MAGI2: variants seen among roughly 807,000 people sequenced by gnomAD.
MAGI2 encodes membrane-associated guanylate kinase, WW and PDZ domain-containing protein 2.
A neutral mutation model predicts 133.3 loss-of-function variants in MAGI2; 35 were observed. The observed-to-expected ratio is 0.26, with a 90% CI of 0.20 to 0.35. The LOEUF is 0.35. Among genes scored for constraint, MAGI2 ranks in the 10% least tolerant of loss-of-function variants. MAGI2 has a pLI of 1.00. For synonymous variants in MAGI2, 729 were observed against 710.6 expected, an observed-to-expected ratio of 1.03 and a Z score of -0.41; for missense variants, 1,636 against 1,863.4, an observed-to-expected ratio of 0.88 and a Z score of 2.25.
In MAGI2 at chr7:78,265,822, A is replaced by G. The variant is rs77455709; in HGVS notation, c.1409-9241T>C. 8.4e-3 allele frequency among the ~76,000 whole-genome samples: 1,279 copies of G among 152,314 alleles called. 21 individuals carry two copies. The highest frequency in any genetic ancestry group is 0.029 in the African/African-American group (1,215 of 41,566). On this transcript the variant is annotated intron_variant, in intron 9 of 21. Transcript: ENST00000354212. ...ACAAGCATGATTCGTTTTTGCAGAA[A>G]TGGCTCCTAGAGGCCAGCATGGCAT...
At chr7:78,882,208 A>C (rs889022801) in intron 2 of MAGI2, among the ~76,000 whole-genome samples, 1 of 151,608 alleles carries the variant, frequency 6.6e-6, no homozygotes, top group Non-Finnish European at 1.5e-5. Context: ...AAATTAAAAA[A>C]TAAAAAATCT....
intron 21 of MAGI2, among the ~76,000 whole-genome samples, chr7:78,067,859 A>G (rs1814005554): frequency 6.6e-6 from 1 of 152,206 alleles, no homozygotes; most frequent in Non-Finnish European, 1.5e-5. Context: ...AATAACAAAA[A>G]TCTGGACTTA....
intron 3 of MAGI2, among the ~76,000 whole-genome samples, chr7:78,555,141 TA>T (rs1260185109): frequency 1.1e-5 from 1 of 93,012 alleles, no homozygotes; most frequent in Non-Finnish European, 2.7e-5. Flanking sequence ...CAGAAATAAA[TA>T]AATAAATAAA....
intron 21 of MAGI2, among the ~76,000 whole-genome samples, chr7:78,057,999 A>G (rs201953686): frequency 0.049 from 5,350 of 108,430 alleles, 602 homozygotes; most frequent in Non-Finnish European, 0.072. Flanking sequence ...ATATATATAT[A>G]TATATGTATG....
chr7:78,784,059 G>A (rs568483840), intron 2 of MAGI2, among the ~76,000 whole-genome samples: 17 of 152,228 alleles, frequency 1.1e-4, no homozygotes, highest in South Asian at 6.2e-4. Flanking sequence ...TAGTGTATCA[G>A]GGAGCTTTCA....
intron 1 of MAGI2, among the ~76,000 whole-genome samples, chr7:79,227,096 G>C (rs1341781207): frequency 6.6e-6 from 1 of 151,944 alleles, no homozygotes; most frequent in Non-Finnish European, 1.5e-5. Context: ...CCAATTTCAG[G>C]GTTCAAATGC....
At chr7:78,669,676 A>C (rs1348919351) in intron 2 of MAGI2, among the ~76,000 whole-genome samples, 2 of 152,174 alleles carry the variant, frequency 1.3e-5, no homozygotes, top group African/African-American at 4.8e-5. Flanking sequence ...TCCTCAATAA[A>C]ATACTGGCAA....
chr7:78,197,010 A>G (rs1828804925), intron 11 of MAGI2, among the ~76,000 whole-genome samples: 1 of 152,244 alleles, frequency 6.6e-6, no homozygotes, highest in East Asian at 1.9e-4. Context: ...ATAATATCAC[A>G]CTGGGGGGAA....
chr7:78,200,183 G>A (rs1182106744), intron 11 of MAGI2, among the ~76,000 whole-genome samples: 1 of 152,212 alleles, frequency 6.6e-6, no homozygotes, highest in African/African-American at 2.4e-5. Flanking sequence ...CTTAGTGAGA[G>A]TGTTCTGCTT....
At chr7:79,058,093 G>T (rs1813327361) in intron 1 of MAGI2, among the ~76,000 whole-genome samples, 1 of 151,608 alleles carries the variant, frequency 6.6e-6, no homozygotes, top group African/African-American at 2.4e-5. Context: ...CAGAGGAAGT[G>T]GTGGAGAGGG....
At chr7:78,480,920 G>T (rs141375074) in intron 6 of MAGI2, among the ~76,000 whole-genome samples, 32 of 151,940 alleles carry the variant, frequency 2.1e-4, no homozygotes, top group African/African-American at 6.5e-4. Context: ...CTCAAAGAAG[G>T]CTTAAATAAT....
At chr7:79,422,656 T>A (rs940133886) in intron 1 of MAGI2, among the ~76,000 whole-genome samples, 5 of 151,650 alleles carry the variant, frequency 3.3e-5, no homozygotes, top group Admixed American at 1.3e-4. Context: ...TTGTTTGGTA[T>A]TTTTTTTGTG....
At chr7:78,850,974 A>G (rs1362488161) in intron 2 of MAGI2, among the ~76,000 whole-genome samples, 1 of 152,136 alleles carries the variant, frequency 6.6e-6, no homozygotes, top group Non-Finnish European at 1.5e-5. Flanking sequence ...TGAATATCAC[A>G]TGACTGGATG....
At chr7:79,425,309 T>C (rs984977581) in intron 1 of MAGI2, among the ~76,000 whole-genome samples, 1 of 151,818 alleles carries the variant, frequency 6.6e-6, no homozygotes, top group African/African-American at 2.4e-5. Flanking sequence ...TTCCTGCTAT[T>C]TCAAATGTGC....
chr7:78,024,277 C>T (rs948667472), intron 21 of MAGI2, among the ~76,000 whole-genome samples: 1 of 152,206 alleles, frequency 6.6e-6, no homozygotes, highest in African/African-American at 2.4e-5. Flanking sequence ...TCTGCATTCC[C>T]TCCTAGGTGT....
At chr7:78,146,032 T>A (rs543567597) in intron 16 of MAGI2, among the ~76,000 whole-genome samples, 1 of 152,248 alleles carries the variant, frequency 6.6e-6, no homozygotes, top group Non-Finnish European at 1.5e-5. Flanking sequence ...TATAAATAAG[T>A]TTTTGAAGCT....
intron 2 of MAGI2, among the ~76,000 whole-genome samples, chr7:78,993,647 T>C (rs1161960152): frequency 6.6e-6 from 1 of 151,932 alleles, no homozygotes; most frequent in Non-Finnish European, 1.5e-5. Context: ...TCTGTATTGT[T>C]TATTATTCCT....
chr7:78,289,222 G>A (rs1047528838), intron 9 of MAGI2, among the ~76,000 whole-genome samples: 6 of 152,124 alleles, frequency 3.9e-5, no homozygotes, highest in Admixed American at 1.3e-4. Flanking sequence ...AAGATTAGAC[G>A]AAAGGCTAAC....
intron 2 of MAGI2, among the ~76,000 whole-genome samples, chr7:78,744,409 T>C (rs1160338718): frequency 6.6e-6 from 1 of 152,216 alleles, no homozygotes; most frequent in Non-Finnish European, 1.5e-5. Context: ...ATTCCACATT[T>C]AGTTTCATTT....
Sources: gnomAD v4.1 joint callset for allele counts (sites outside exome capture counted in the v4.1 genomes callset) on GRCh38, gnomAD v4.1.1 for gene constraint, MANE v1.5 for transcripts, NCBI Gene and HGNC (gene_info 2026-07-23, HGNC 2026-07-21) for gene names.